PTGS2: variants seen among roughly 807,000 people sequenced by gnomAD.
PTGS2 encodes prostaglandin-endoperoxide synthase 2.
In PTGS2, 14 loss-of-function variants were observed where a neutral mutation model predicts 63.8. The observed-to-expected ratio is 0.22, with a 90% CI of 0.14 to 0.34. The LOEUF (loss-of-function observed/expected upper bound fraction) is 0.34, where lower values mean the gene tolerates loss of function less well. PTGS2 is among the 10% of genes least tolerant of loss of function. PTGS2 has a pLI of 1.00. For missense variants in PTGS2, 533 were observed against 738.5 expected (o/e 0.72, Z 3.23); for synonymous variants, 271 against 259.5 (o/e 1.04, Z -0.43).
rs1227951645 is a variant in PTGS2, at chr1:186,671,981, CAA to C, written c.*2370_*2371del. 1 of 140,806 alleles carries C rather than the reference CAA, an allele frequency of 7.1e-6. No homozygotes were observed. The highest frequency in any genetic ancestry group is 1.5e-5 in the Non-Finnish European group (1 of 66,894). 8.7% of individuals were successfully genotyped at this position (140,806 alleles called of 1,614,324 possible). A position where few individuals can be genotyped will look rare whatever the true frequency, so the allele number is the denominator to read the frequency against. On this transcript the variant is annotated 3_prime_UTR_variant, in exon 10 of 10. Coordinates refer to ENST00000367468, the MANE Select transcript of PTGS2 (RefSeq NM_000963.4). Reference sequence around the variant, plus strand: ...CAGCAGATCAATGTTAATAACAAATCAAGTTTTTTTTTTAAAAAAAACAGTGA... The same window carrying C: ...CAGCAGATCAATGTTAATAACAAATCGTTTTTTTTTTAAAAAAAACAGTGA...
rs57974311 is a variant in PTGS2 at position 186,671,984 on chromosome 1, GTT to G, written c.*2367_*2368del. ...CAGATCAATGTTAATAACAAATCAA[GTT>G]TTTTTTTTAAAAAAAACAGTGAACA... On this transcript the variant is annotated 3_prime_UTR_variant, in exon 10 of 10. Coordinates refer to ENST00000367468, the MANE Select transcript of PTGS2 (RefSeq NM_000963.4). 4 of 149,354 alleles carry G rather than the reference GTT, an allele frequency of 2.7e-5. No homozygotes were observed. The highest frequency in any genetic ancestry group is 9.8e-5 in the African/African-American group (4 of 40,924). 9.3% of individuals were successfully genotyped at this position (149,354 alleles called of 1,614,324 possible). A position where few individuals can be genotyped will look rare whatever the true frequency, so the allele number is the denominator to read the frequency against.
At position 186,675,339 on chromosome 1, in the gene PTGS2, CA is replaced by C; in HGVS notation, c.1314del (p.Ile438MetfsTer7). ...TGGTATTTCATCTGCCTGCTCTGGT[CA>C]ATGGAAGCCTGTGATACTTTCTGTA... ...PAVQKVSQAS[I>X]DQSRQMKYQS... is the part of the protein sequence containing the mutation. On this transcript the variant is annotated frameshift_variant, in exon 9 of 10. Coordinates refer to ENST00000367468, the MANE Select transcript of PTGS2 (RefSeq NM_000963.4). LOFTEE classifies it high-confidence loss of function. 6.2e-7 allele frequency: 1 copy of C among 1,614,186 alleles called. No homozygotes were observed. Among genetic ancestry groups the C allele is most frequent in the Non-Finnish European group, 8.5e-7 (1 of 1,180,028 alleles).
At position 186,676,674 on chromosome 1, in the gene PTGS2, T is replaced by C; in HGVS notation, c.763A>G (p.Thr255Ala). The change falls in exon 7 of 10, where the codon ACT (threonine) becomes GCT (alanine). Residue 255 changes from threonine to alanine, a missense_variant. By Grantham distance (58) the Thr-to-Ala change is moderately conservative (BLOSUM62 0). Transcript: ENST00000367468. The part of the protein sequence containing the change: ...GEMYPPTVKD[T>A]QAEMIYPPQV... ...GGAGGGTAGATCATCTCTGCCTGAG[T>C]ATCTTTGACTGTGGGAGGATACATC... The C allele has an allele frequency of 6.2e-7, 1 of 1,613,984 alleles. No individual in the cohort carries two copies.
chr1:186,675,891 TGC>T lies in PTGS2; in HGVS notation c.1257+5_1257+6del. ...CTTTTGTTTTGGTTTTCAATAATAATGCTTACCCTGCCAGCAATTTGCCTGGT... is the reference window on the plus strand; with the variant it reads ...CTTTTGTTTTGGTTTTCAATAATAATTTACCCTGCCAGCAATTTGCCTGGT... On this transcript the variant is annotated splice_donor_5th_base_variant and intron_variant, in intron 8 of 9. Coordinates refer to ENST00000367468, the MANE Select transcript of PTGS2 (RefSeq NM_000963.4). The T allele has an allele frequency of 6.2e-7, 1 of 1,607,372 alleles. No individual in the cohort carries two copies. Among genetic ancestry groups the T allele is most frequent in the Non-Finnish European group, 8.5e-7 (1 of 1,175,232 alleles).
At position 186,680,320 on chromosome 1, in the gene PTGS2, G is replaced by A; in HGVS notation, c.-30C>T. On this transcript the variant is annotated 5_prime_UTR_variant, in exon 1 of 10. Coordinates refer to ENST00000367468, the MANE Select transcript of PTGS2 (RefSeq NM_000963.4). Reference sequence around the variant, plus strand: ...GCGGCGGGCAGGGCGCGGCGCGGGGGTAGGCTTTGCTGTCTGAGGGCGTCT... The same window carrying A: ...GCGGCGGGCAGGGCGCGGCGCGGGGATAGGCTTTGCTGTCTGAGGGCGTCT... The A allele has an allele frequency of 6.6e-7, 1 of 1,522,666 alleles. No homozygotes were observed. Among genetic ancestry groups the A allele is most frequent in the Non-Finnish European group, 8.8e-7 (1 of 1,131,730 alleles). The allele number at this position is 1,522,666 out of a possible 1,614,324, so 94.3% of individuals were successfully genotyped here.
rs201776391 is a variant in PTGS2, at chr1:186,675,242, T to G, written c.1405+7A>C. On this transcript the variant is annotated splice_region_variant and intron_variant, in intron 9 of 9. Transcript: ENST00000367468. The stretch of plus-strand genomic sequence containing the variant: ...AAAAACGAAGAAGTTTAGAAACTGT[T>G]TCTTACCTGTAAGTTCTTCAAATGA... 1 of 1,607,306 alleles carries G rather than the reference T, an allele frequency of 6.2e-7. No homozygotes were observed. Among genetic ancestry groups the G allele is most frequent in the Non-Finnish European group, 8.5e-7 (1 of 1,178,582 alleles).
In PTGS2 at chr1:186,676,927, A is replaced by G. The variant is rs755955849; in HGVS notation, c.640-11T>C. ...ATGATTTAAGTCCACCTAGAAAATGATGAAAAAATTTTAATTTGTTGCTGT... is the reference window on the plus strand; with the variant it reads ...ATGATTTAAGTCCACCTAGAAAATGGTGAAAAAATTTTAATTTGTTGCTGT... On this transcript the variant is annotated splice_polypyrimidine_tract_variant and intron_variant, in intron 5 of 9. Transcript: ENST00000367468. 6.3e-7 allele frequency: 1 copy of G among 1,596,968 alleles called. No homozygotes were observed. Among genetic ancestry groups the G allele is most frequent in the South Asian group, 1.1e-5 (1 of 87,356 alleles).
At position 186,679,210 on chromosome 1, in the gene PTGS2, A is replaced by G. The variant is rs1171821153; in HGVS notation, c.170-9T>C. On this transcript the variant is annotated splice_polypyrimidine_tract_variant and intron_variant, in intron 2 of 9. Coordinates refer to ENST00000367468, the MANE Select transcript of PTGS2 (RefSeq NM_000963.4). ...TCTTGTCAAAAATTCCGCTGCAAGA[A>G]GACGAAGAAAGGGAGGGAGAAATTA... 6.2e-7 allele frequency: 1 copy of G among 1,613,212 alleles called. No individual in the cohort carries two copies. Among genetic ancestry groups the G allele is most frequent in the Non-Finnish European group, 8.5e-7 (1 of 1,179,620 alleles).
chr1:186,677,668 G>C lies in PTGS2; in HGVS notation c.620C>G (p.Thr207Ser). Residue 207 changes from threonine (T) to serine (S), a missense_variant, in exon 5 of 10, where the codon ACC becomes AGC. Physicochemically the swap from Thr to Ser is moderately conservative, Grantham distance 58. Around this residue, in one of 5 missense-constraint regions of PTGS2, gnomAD observed 118 missense variants for 138.7 expected, o/e 0.85. Transcript: ENST00000367468. ...TCTTACCCCATGGCCCAGCCCGTTG[G>C]TGAAAGCTGGCCCTCGCTTATGATC... ...KTDHKRGPAF[T>S]NGLGHGVDLN... 1 of 1,611,522 alleles carries C rather than the reference G, an allele frequency of 6.2e-7. No homozygotes were observed. Among genetic ancestry groups the C allele is most frequent in the Non-Finnish European group, 8.5e-7 (1 of 1,179,104 alleles).
rs765442119 is a variant in PTGS2, at chr1:186,675,892, G to T, written c.1257+6C>A. ...TTTTGTTTTGGTTTTCAATAATAAT[G>T]CTTACCCTGCCAGCAATTTGCCTGG... On this transcript the variant is annotated splice_donor_region_variant and intron_variant, in intron 8 of 9. Transcript: ENST00000367468. 3 of 1,607,244 alleles carry T rather than the reference G, an allele frequency of 1.9e-6. No individual in the cohort carries two copies. Among genetic ancestry groups the T allele is most frequent in the Non-Finnish European group, 2.6e-6 (3 of 1,175,120 alleles).
chr1:186,675,732 AG>A, intron 8 of PTGS2, 165 bp downstream of exon 8: 1 of 799,742 alleles, frequency 1.3e-6, no homozygotes, highest in Non-Finnish European at 1.9e-6. Flanking sequence ...CTAGACTAAA[AG>A]TTTAGACTTT....
rs548917920 is a variant in PTGS2 at position 186,679,991 on chromosome 1, C to T, written c.52+248G>A. On this transcript the variant is annotated intron_variant, in intron 1 of 9. Coordinates refer to ENST00000367468, the MANE Select transcript of PTGS2 (RefSeq NM_000963.4). ...CAACCTGCAAATTAGTATCATCTAT[C>T]CCTATTTAGGAGGTGAGAGTGTCTC... 5.3e-5 allele frequency among the ~76,000 whole-genome samples: 8 copies of T among 152,342 alleles called. No homozygotes were observed. The South Asian group carries it at 1.7e-3, about 32-fold the overall frequency.
chr1:186,673,742 A>T lies in PTGS2; in HGVS notation c.*611T>A, dbSNP rs1436292614. On this transcript the variant is annotated 3_prime_UTR_variant, in exon 10 of 10. Coordinates refer to ENST00000367468, the MANE Select transcript of PTGS2 (RefSeq NM_000963.4). ...ACAGCTTCTTTTTGGTATATGTACA[A>T]GTTTAATAACTTTAAGAAATCAAAC... 1 of 152,212 alleles carries T rather than the reference A, an allele frequency of 6.6e-6. No homozygotes were observed. The highest frequency in any genetic ancestry group is 2.4e-5 in the African/African-American group (1 of 41,462). 9.4% of individuals were successfully genotyped at this position (152,212 alleles called of 1,614,324 possible). A position where few individuals can be genotyped will look rare whatever the true frequency, so the allele number is the denominator to read the frequency against.
intron 4 of PTGS2, 104 bp downstream of exon 4, chr1:186,678,156 GC>G (rs1305444438): frequency 2.6e-5 from 32 of 1,212,046 alleles, no homozygotes; most frequent in African/African-American, 4.7e-5. Context: ...AGTAAAAACT[GC>G]TTTTGTTAAT....
At chr1:186,675,835 C>T (rs370793166) in intron 8 of PTGS2, 63 bp downstream of exon 8, 53 of 1,439,250 alleles carry the variant, frequency 3.7e-5, no homozygotes, top group Non-Finnish European at 4.4e-5. Flanking sequence ...AAATAATTTC[C>T]GTGGCAGAAA....
At position 186,678,272 on chromosome 1, in the gene PTGS2, A is replaced by C; in HGVS notation, c.446T>G (p.Leu149Trp). ...TTCTTCTTACTCACCTTTGACACCC[A>C]AGGGAGTCGGGCAATCATCAGGCAC... ...PPVPDDCPTP[L>W]GVKGKKQLPD... is the part of the protein sequence containing the mutation. Residue 149 changes from leucine (L) to tryptophan (W), a missense_variant, in exon 4 of 10, where the codon TTG becomes TGG. Leu to Trp is a moderately conservative substitution (Grantham distance 61, BLOSUM62 -2). Transcript: ENST00000367468. 6.2e-7 allele frequency: 1 copy of C among 1,609,692 alleles called. No individual in the cohort carries two copies. The highest frequency in any genetic ancestry group is 8.5e-7 in the Non-Finnish European group (1 of 1,178,020).
intron 5 of PTGS2, among the ~76,000 whole-genome samples, chr1:186,677,369 A>T (rs1460116615): frequency 6.6e-6 from 1 of 152,218 alleles, no homozygotes; most frequent in Non-Finnish European, 1.5e-5. Context: ...TAACATTTTA[A>T]ACTAAAAAAT....
In PTGS2 at chr1:186,677,799, A is replaced by T. The variant is rs770236383; in HGVS notation, c.489T>A (p.Ile163=). ...TTCTTCTTAGAAGCAATTTTTCCAC[A>T]ATCTCATTTGAATCAGGAAGCTGCT... The part of the protein sequence containing the change: ...GKKQLPDSNE[I]VEKLLLRRKF... Residue 163 remains isoleucine, a synonymous_variant, in exon 5 of 10, where the codon ATT becomes ATA. Coordinates refer to ENST00000367468, the MANE Select transcript of PTGS2 (RefSeq NM_000963.4). 2 of 1,613,628 alleles carry T rather than the reference A, an allele frequency of 1.2e-6. No homozygotes were observed. The highest frequency in any genetic ancestry group is 2.2e-5 in the South Asian group (2 of 90,966).
Position 186,672,595 on chromosome 1 carries a change from T to A in PTGS2, c.*1758A>T, listed in dbSNP as rs202009206. 2.6e-5 allele frequency: 4 copies of A among 152,628 alleles called. No homozygotes were observed. In the South Asian group the frequency reaches 8.3e-4, roughly 32 times the overall value. 9.5% of individuals were successfully genotyped at this position (152,628 alleles called of 1,614,324 possible). A position where few individuals can be genotyped will look rare whatever the true frequency, so the allele number is the denominator to read the frequency against. On this transcript the variant is annotated 3_prime_UTR_variant, in exon 10 of 10. Coordinates refer to ENST00000367468, the MANE Select transcript of PTGS2 (RefSeq NM_000963.4). ...ATAAGACATAAATAATAATCTTCAA[T>A]AAATTAAGTAATATACAGTACCATT... is the stretch of plus-strand genomic sequence containing the variant.
Sources: gnomAD v4.1 joint callset for allele counts (sites outside exome capture counted in the v4.1 genomes callset) on GRCh38, gnomAD v4.1.1 for gene constraint, gnomAD v4.1.1 regional missense constraint, MANE v1.5 for transcripts, NCBI Gene and HGNC (gene_info 2026-07-23, HGNC 2026-07-21) for gene names.